The following SYNE2 variants were observed in gnomAD, a reference collection of about 807,000 sequenced individuals.
The protein encoded by SYNE2 is spectrin repeat containing nuclear envelope protein 2.
Under a neutral mutation model 856.3 loss-of-function variants are expected in SYNE2, and 431 were observed. That is an observed-to-expected ratio of 0.50 (90% CI 0.47 to 0.55). The LOEUF is 0.55. Among genes scored for constraint, SYNE2 ranks in the 20% least tolerant of loss-of-function variants. SYNE2 has a pLI of 0.00. For missense variants in SYNE2, 8,129 were observed against 8,023.2 expected (o/e 1.01, Z -0.50); for synonymous variants, 2,923 against 2,872.3 (o/e 1.02, Z -0.56).
chr14:63,905,442 G>T (rs1409950142), intron 1 of SYNE2, among the ~76,000 whole-genome samples: 1 of 152,122 alleles, frequency 6.6e-6, no homozygotes, highest in African/African-American at 2.4e-5. Flanking sequence ...CATGGGCATG[G>T]AACGTTTTTC....
Position 64,030,075 on chromosome 14 carries a change from C to G in SYNE2, c.6879+16C>G. 6.2e-7 allele frequency: 1 copy of G among 1,612,746 alleles called. No individual in the cohort carries two copies. Among genetic ancestry groups the G allele is most frequent in the Non-Finnish European group, 8.5e-7 (1 of 1,179,004 alleles). ...GAAACTGCAGGTACTAAACGGTGTC[C>G]AGACATGATAGACATTTAAAAAAAA... On this transcript the variant is annotated intron_variant, in intron 44 of 115. Coordinates refer to ENST00000555002, the MANE Select transcript of SYNE2 (RefSeq NM_182914.3).
In SYNE2 at chr14:64,212,995, C is replaced by G. The variant is rs758114474; in HGVS notation, c.19046C>G (p.Ser6349Cys). Residue 6349 changes from serine (S) to cysteine (C), a missense_variant, in exon 105 of 116, where the codon TCC becomes TGC. Physicochemically the swap from Ser to Cys is moderately radical, Grantham distance 112. Transcript: ENST00000555002. ...RVSRFHRRLTSCTPGLEDEKE... is the reference protein window; with the variant it reads ...RVSRFHRRLTCCTPGLEDEKE... ...TCCCGGTTCCACCGGCGGCTCACCT[C>G]CTGCACTCCGGTACGGGCACTGCTG... 13 of 1,613,340 alleles carry G rather than the reference C, an allele frequency of 8.1e-6. No homozygotes were observed. The highest frequency in any genetic ancestry group is 9.3e-6 in the Non-Finnish European group (11 of 1,179,978).
intron 83 of SYNE2, among the ~76,000 whole-genome samples, chr14:64,145,067 C>T (rs890917441): frequency 1.3e-5 from 2 of 151,582 alleles, no homozygotes; most frequent in African/African-American, 2.4e-5. Context: ...GCTGATATTA[C>T]ACATGCCTGC....
Position 64,076,326 on chromosome 14 carries a change from T to A in SYNE2, c.11022+226T>A, listed in dbSNP as rs2097458939. On this transcript the variant is annotated intron_variant, in intron 54 of 115. Coordinates refer to ENST00000555002, the MANE Select transcript of SYNE2 (RefSeq NM_182914.3). ...ATATGTATTTAATTGTCAAAATGCT[T>A]ATTCTTCTCTTGCATTTTATAATAC... Among the ~76,000 whole-genome samples the A allele has an allele frequency of 3.9e-5, 6 of 152,228 alleles. No homozygotes were observed. In the South Asian group the frequency reaches 1.2e-3, roughly 31 times the overall value.
intron 1 of SYNE2, among the ~76,000 whole-genome samples, chr14:63,779,004 G>C (rs1595101676): frequency 6.6e-6 from 1 of 152,002 alleles, no homozygotes; most frequent in Admixed American, 6.6e-5. Flanking sequence ...CCTCAGTAAA[G>C]CTGGGAGGGA....
Position 63,997,107 on chromosome 14 carries a change from C to G in SYNE2, c.3101C>G (p.Ser1034Cys). The change falls in exon 24 of 116, where the codon TCC becomes TGC. Residue 1034 changes from serine (S) to cysteine (C), a missense_variant. Physicochemically the swap from Ser to Cys is moderately radical, Grantham distance 112. Around this residue, in one of 3 missense-constraint regions of SYNE2, gnomAD observed 2,422 missense variants for 2,357.4 expected, o/e 1.03. Coordinates refer to ENST00000555002, the MANE Select transcript of SYNE2 (RefSeq NM_182914.3). ...ATAGAAAGACTTCTGAAATGTGCTT[C>G]CGAGATTCATATGACACTGCAGCCC... ...QKIERLLKCASEIHMTLQPTA... is the reference protein window; with the variant it reads ...QKIERLLKCACEIHMTLQPTA... 6.2e-7 allele frequency: 1 copy of G among 1,614,096 alleles called. No homozygotes were observed. The highest frequency in any genetic ancestry group is 2.2e-5 in the East Asian group (1 of 44,872).
At chr14:63,783,116 G>C (rs1191851062) in intron 1 of SYNE2, among the ~76,000 whole-genome samples, 1 of 152,132 alleles carries the variant, frequency 6.6e-6, no homozygotes, top group African/African-American at 2.4e-5. Flanking sequence ...TGTCAAGGGA[G>C]AGACCGGGTG....
intron 18 of SYNE2, among the ~76,000 whole-genome samples, chr14:63,984,993 TTAAAATAAA>T (rs2096613871): frequency 6.6e-6 from 1 of 151,914 alleles, no homozygotes; most frequent in Admixed American, 6.6e-5. Flanking sequence ...CTATCTCTAT[TTAAAATAAA>T]TAAAATAAAT....
At chr14:64,173,077 T>C (rs1376365700) in intron 94 of SYNE2, among the ~76,000 whole-genome samples, 1 of 152,144 alleles carries the variant, frequency 6.6e-6, no homozygotes, top group Non-Finnish European at 1.5e-5. Flanking sequence ...GAAAAAACAA[T>C]CATTCTCCTT....
intron 64 of SYNE2, among the ~76,000 whole-genome samples, chr14:64,105,791 G>A (rs967370090): frequency 1.3e-5 from 2 of 151,610 alleles, no homozygotes; most frequent in Non-Finnish European, 2.9e-5. Flanking sequence ...AGGTGCAGTT[G>A]TCTCATGCCT....
intron 6 of SYNE2, among the ~76,000 whole-genome samples, chr14:63,948,750 G>GTA (rs1280856751): frequency 3.7e-4 from 36 of 96,108 alleles, no homozygotes; most frequent in African/African-American, 8.4e-4. Context: ...ATATGTGTGT[G>GTA]TATATATATG....
At chr14:63,792,009 T>C (rs761603428) in intron 1 of SYNE2, among the ~76,000 whole-genome samples, 2 of 151,608 alleles carry the variant, frequency 1.3e-5, no homozygotes, top group Admixed American at 6.6e-5. Flanking sequence ...TTGAAAGATA[T>C]TTGTTTAATG....
In SYNE2 at chr14:63,927,163, C is replaced by T. The variant is rs138257977; in HGVS notation, c.80-13451C>T. On this transcript the variant is annotated intron_variant, in intron 2 of 115. Coordinates refer to ENST00000555002, the MANE Select transcript of SYNE2 (RefSeq NM_182914.3). Reference sequence around the variant, plus strand: ...GAGCAGAGAGAAACCATCTAACAATCGAGTAATTCGGGTAAGTTTGGGACA... The same window carrying T: ...GAGCAGAGAGAAACCATCTAACAATTGAGTAATTCGGGTAAGTTTGGGACA... Among the ~76,000 whole-genome samples the T allele has an allele frequency of 5.3e-5, 8 of 152,250 alleles. No homozygotes were observed. In the East Asian group the frequency reaches 5.8e-4, roughly 11 times the overall value.
intron 50 of SYNE2, among the ~76,000 whole-genome samples, chr14:64,064,920 A>C (rs1219558980): frequency 1.3e-5 from 2 of 150,934 alleles, no homozygotes; most frequent in African/African-American, 4.9e-5. Context: ...TGAGTGGCAC[A>C]ATTTCAGCTC....
intron 96 of SYNE2, among the ~76,000 whole-genome samples, chr14:64,185,519 C>CTTTTTT (rs66490444): frequency 3.2e-3 from 248 of 77,358 alleles, no homozygotes; most frequent in East Asian, 5.4e-3. Flanking sequence ...TTTTCTTTTT[C>CTTTTTT]TTTTTTTTTT....
At chr14:63,881,881 A>G (rs1300372727) in intron 1 of SYNE2, among the ~76,000 whole-genome samples, 2 of 152,200 alleles carry the variant, frequency 1.3e-5, no homozygotes, top group Non-Finnish European at 2.9e-5. Flanking sequence ...GACCAGCCAG[A>G]TAGACTATTG....
At position 64,168,981 on chromosome 14, in the gene SYNE2, C is replaced by G; in HGVS notation, c.17000+10C>G. 3 of 1,607,066 alleles carry G rather than the reference C, an allele frequency of 1.9e-6. No individual in the cohort carries two copies. The highest frequency in any genetic ancestry group is 1.7e-4 in the Middle Eastern group (1 of 6,046). The stretch of plus-strand genomic sequence containing the variant: ...CAGAAATAGAGAACAGGTGAGCTGT[C>G]TGGGCCTCATGAAGGTTGTGGGCGG... On this transcript the variant is annotated intron_variant, in intron 93 of 115. Coordinates refer to ENST00000555002, the MANE Select transcript of SYNE2 (RefSeq NM_182914.3).
rs2098427234 is a variant in SYNE2, at chr14:64,175,053, G to A, written c.17345G>A (p.Arg5782Lys). Residue 5782 changes from arginine (R) to lysine (K), a missense_variant, in exon 95 of 116, where the codon AGG becomes AAG. This residue lies in a region of SYNE2 where 5,410 missense variants were observed against 5,284.8 expected (regional missense o/e 1.02). Transcript: ENST00000555002. Reference sequence around the variant, plus strand: ...CTGAAAACTAAAGAGTCTGTGGGTAGGAGAATCAGTCAACTTCAGGACAGC... The same window carrying A: ...CTGAAAACTAAAGAGTCTGTGGGTAAGAGAATCAGTCAACTTCAGGACAGC... ...TDLKTKESVGRRISQLQDSWK... is the reference protein window; with the variant it reads ...TDLKTKESVGKRISQLQDSWK... 4.3e-6 allele frequency: 7 copies of A among 1,614,186 alleles called. No individual in the cohort carries two copies. In the East Asian group the frequency reaches 1.3e-4, roughly 31 times the overall value.
In SYNE2 at chr14:64,129,496, A is replaced by T. The variant is rs145627735; in HGVS notation, c.14020-286A>T. On this transcript the variant is annotated intron_variant, in intron 74 of 115. Coordinates refer to ENST00000555002, the MANE Select transcript of SYNE2 (RefSeq NM_182914.3). ...GATATGTGTATACCAATGTGAAGAGATGCTGAAGAGCTGGTGAGTGAGGAA... is the reference window on the plus strand; with the variant it reads ...GATATGTGTATACCAATGTGAAGAGTTGCTGAAGAGCTGGTGAGTGAGGAA... 1.2e-3 allele frequency among the ~76,000 whole-genome samples: 183 copies of T among 152,274 alleles called. 1 individual carries two copies. The highest frequency in any genetic ancestry group is 4.0e-3 in the African/African-American group (168 of 41,544).
Sources: allele counts gnomAD v4.1 joint callset (sites outside exome capture counted in the v4.1 genomes callset), GRCh38; gene constraint gnomAD v4.1.1; regional missense constraint gnomAD v4.1.1; transcripts MANE v1.5; gene names NCBI Gene and HGNC (gene_info 2026-07-23, HGNC 2026-07-21).